Variants in C1QTNF3 observed in about 807,000 individuals in gnomAD.
The protein encoded by C1QTNF3 is complement C1q tumor necrosis factor-related protein 3.
C1QTNF3 carries 26 observed loss-of-function variants against 32.6 expected under a neutral mutation model. The observed-to-expected ratio is 0.80, with a 90% CI of 0.58 to 1.11. The LOEUF is 1.11. C1QTNF3 is among the 50% of genes least tolerant of loss of function. The pLI, the probability that C1QTNF3 is intolerant of heterozygous loss-of-function variation, is 0.00. For synonymous variants in C1QTNF3, 155 were observed against 146.0 expected (o/e 1.06, Z -0.44); for missense variants, 362 against 398.2 (o/e 0.91, Z 0.77).
At chr5:34,206,215 AG>A in the C1QTNF3 span, among the ~76,000 whole-genome samples, 1 of 143,274 alleles carries the variant, frequency 7.0e-6, no homozygotes. Context: ...TTCCAACTAA[AG>A]GAAGTCAGCT....
the C1QTNF3 span, among the ~76,000 whole-genome samples, chr5:34,110,177 T>A: frequency 2.0e-5 from 3 of 152,136 alleles, no homozygotes; most frequent in South Asian, 4.1e-4. Context: ...GTCCAGCAGA[T>A]CCGACAAAAG....
chr5:34,075,895 GTGTGTGTGTAT>G, the C1QTNF3 span, among the ~76,000 whole-genome samples: 2 of 150,842 alleles, frequency 1.3e-5, no homozygotes, highest in African/African-American at 4.9e-5. Flanking sequence ...GTGTGTGTGT[GTGTGTGTGTAT>G]ACACACACAC....
At chr5:34,168,038 A>AT in the C1QTNF3 span, 1 of 151,852 alleles carries the variant, frequency 6.6e-6, no homozygotes, top group East Asian at 1.9e-4. Context: ...TCTCCTTTTC[A>AT]TACCTCTGCA....
the C1QTNF3 span, among the ~76,000 whole-genome samples, chr5:34,077,288 T>A: frequency 1.3e-5 from 2 of 151,740 alleles, no homozygotes; most frequent in South Asian, 4.1e-4. Flanking sequence ...TGCTAATAAT[T>A]ATTTTTTTAA....
the C1QTNF3 span, among the ~76,000 whole-genome samples, chr5:34,213,454 A>C: frequency 1.3e-5 from 2 of 152,026 alleles, no homozygotes; most frequent in South Asian, 2.1e-4. Flanking sequence ...GCACCATGAT[A>C]AATCTTATCA....
the C1QTNF3 span, among the ~76,000 whole-genome samples, chr5:34,053,476 C>T: frequency 1.3e-5 from 2 of 152,256 alleles, no homozygotes; most frequent in Non-Finnish European, 2.9e-5. Flanking sequence ...AGCCATTTGC[C>T]TGTCTGTCTG....
the C1QTNF3 span, among the ~76,000 whole-genome samples, chr5:34,129,396 T>G: frequency 6.6e-6 from 1 of 152,094 alleles, no homozygotes; most frequent in Non-Finnish European, 1.5e-5. Context: ...ATTCTAGAAG[T>G]AGAGAACAGA....
At chr5:34,197,146 C>A in the C1QTNF3 span, among the ~76,000 whole-genome samples, 1 of 152,304 alleles carries the variant, frequency 6.6e-6, no homozygotes, top group African/African-American at 2.4e-5. Context: ...CTTTAAAGAA[C>A]AAAAACAAAA....
At position 34,035,707 on chromosome 5, in the gene C1QTNF3, C is replaced by G; in HGVS notation, c.355G>C (p.Asp119His). Residue 119 changes from aspartate (D) to histidine (H), a missense_variant, in exon 2 of 6, where the codon GAC (aspartate) becomes CAC (histidine). Physicochemically the swap from Asp to His is moderately conservative, Grantham distance 81. Transcript: ENST00000382065. The stretch of plus-strand genomic sequence containing the variant: ...CCTTGGTAGCCTCGAAAGCTGTAGT[C>G]TCCATGACAACACTTACTGCAGTCT... ...PPDCSKCCHGDYSFRGYQGPP... is the reference protein window; with the variant it reads ...PPDCSKCCHGHYSFRGYQGPP... 1.9e-6 allele frequency: 3 copies of G among 1,612,570 alleles called. No individual in the cohort carries two copies. Among genetic ancestry groups the G allele is most frequent in the Non-Finnish European group, 2.5e-6 (3 of 1,179,624 alleles).
the C1QTNF3 span, among the ~76,000 whole-genome samples, chr5:34,072,532 G>T: frequency 6.6e-6 from 1 of 152,330 alleles, no homozygotes; most frequent in South Asian, 2.1e-4. Context: ...AGGCAGAAAT[G>T]TCAGTAGAAA....
the C1QTNF3 span, among the ~76,000 whole-genome samples, chr5:34,153,863 A>C: frequency 6.7e-6 from 1 of 149,932 alleles, no homozygotes; most frequent in African/African-American, 2.4e-5. Context: ...TAAAAAAAAA[A>C]AAAAAAAAAA....
At position 34,018,843 on chromosome 5, in the gene C1QTNF3, GC is replaced by G. The variant is rs1274420416; in HGVS notation, c.*1739del. On this transcript the variant is annotated 3_prime_UTR_variant, in exon 6 of 6. Transcript: ENST00000382065. ...AGAGTTGTTTTAAGATTTAGAATTTGCGGCTGGGTGCGGGGGCTCACGCCTG... is the reference window on the plus strand; with the variant it reads ...AGAGTTGTTTTAAGATTTAGAATTTGGGCTGGGTGCGGGGGCTCACGCCTG... Among the ~76,000 whole-genome samples, 8 of 152,110 alleles carry G rather than the reference GC, an allele frequency of 5.3e-5. No homozygotes were observed. Among genetic ancestry groups the G allele is most frequent in the Admixed American group, 4.6e-4 (7 of 15,262 alleles).
At chr5:34,115,222 C>G in the C1QTNF3 span, among the ~76,000 whole-genome samples, 1 of 152,056 alleles carries the variant, frequency 6.6e-6, no homozygotes, top group African/African-American at 2.4e-5. Flanking sequence ...GTTGCTGTTT[C>G]TTAGTAAGCA....
At chr5:34,184,783 CA>C in the C1QTNF3 span, among the ~76,000 whole-genome samples, 7 of 151,712 alleles carry the variant, frequency 4.6e-5, no homozygotes, top group Admixed American at 4.0e-4. Context: ...CATTTAATAA[CA>C]AAAAAAAGGA....
chr5:34,056,302 T>C, the C1QTNF3 span, among the ~76,000 whole-genome samples: 1 of 151,752 alleles, frequency 6.6e-6, no homozygotes, highest in Non-Finnish European at 1.5e-5. Flanking sequence ...AGCACTTTTG[T>C]CTTTTTTCTT....
the C1QTNF3 span, among the ~76,000 whole-genome samples, chr5:34,209,878 T>C: frequency 6.6e-6 from 1 of 152,086 alleles, no homozygotes; most frequent in Non-Finnish European, 1.5e-5. Flanking sequence ...AACAAAACCT[T>C]TTAGTTAAGA....
At chr5:34,113,287 G>A in the C1QTNF3 span, among the ~76,000 whole-genome samples, 1 of 151,290 alleles carries the variant, frequency 6.6e-6, no homozygotes. Flanking sequence ...TTCAGTGGAT[G>A]AGTCTTTGTT....
At chr5:34,048,257 T>C in the C1QTNF3 span, among the ~76,000 whole-genome samples, 166 of 149,042 alleles carry the variant, frequency 1.1e-3, 6 homozygotes, top group East Asian at 0.028. Flanking sequence ...GTGTTAAGCA[T>C]GGTAGTGTGT....
At chr5:34,135,662 T>C in the C1QTNF3 span, among the ~76,000 whole-genome samples, 2 of 149,450 alleles carry the variant, frequency 1.3e-5, no homozygotes, top group Non-Finnish European at 3.0e-5. Flanking sequence ...GCCAAGACAA[T>C]CCTAAGCAAA....
Sources: gnomAD v4.1 joint callset for allele counts (sites outside exome capture counted in the v4.1 genomes callset) on GRCh38, gnomAD v4.1.1 for gene constraint, MANE v1.5 for transcripts, NCBI Gene and HGNC (gene_info 2026-07-23, HGNC 2026-07-21) for gene names.